Variants in MYO16 observed in about 807,000 individuals in gnomAD.
MYO16 encodes unconventional myosin-XVI.
MYO16 carries 94 observed loss-of-function variants against 205.3 expected under a neutral mutation model. The ratio of observed to expected loss-of-function variants is 0.46; its 90% CI spans 0.39 to 0.54. The LOEUF (loss-of-function observed/expected upper bound fraction) is 0.54. Ranked by LOEUF, MYO16 falls within the 20% of genes least tolerant of loss-of-function variation. The probability of loss-of-function intolerance (pLI) is 0.00; values close to 1 mark genes in which losing one functional copy is unlikely to be tolerated. For missense variants in MYO16, 2,315 were observed against 2,387.5 expected (o/e 0.97, Z 0.63); for synonymous variants, 988 against 954.0 (o/e 1.04, Z -0.66).
chr13:109,047,172 T>C (rs1357693776), intron 24 of MYO16, among the ~76,000 whole-genome samples, 181 bp downstream of exon 24: 3 of 152,196 alleles, frequency 2.0e-5, no homozygotes, highest in Non-Finnish European at 4.4e-5. Context: ...TTGGCTACAA[T>C]GTAATTTGGA....
the MYO16 span, among the ~76,000 whole-genome samples, chr13:108,589,683 T>G: frequency 1.3e-5 from 2 of 152,130 alleles, no homozygotes. Context: ...GTCTTCTCTC[T>G]CTCCCTCTCG....
intron 1 of MYO16, among the ~76,000 whole-genome samples, chr13:108,650,576 CA>C (rs1880956372): frequency 6.6e-6 from 1 of 152,146 alleles, no homozygotes; most frequent in African/African-American, 2.4e-5. Flanking sequence ...TTTGAGGGTT[CA>C]AAAATGTATA....
the MYO16 span, among the ~76,000 whole-genome samples, chr13:108,575,290 C>A: frequency 5.2e-4 from 79 of 152,190 alleles, no homozygotes; most frequent in Non-Finnish European, 1.0e-3. Context: ...AGATGACCAA[C>A]CCGCCAGCTA....
chr13:109,187,753 A>G (rs1001984532), intron 34 of MYO16, among the ~76,000 whole-genome samples: 6 of 152,188 alleles, frequency 3.9e-5, no homozygotes, highest in African/African-American at 1.4e-4. Flanking sequence ...ATGTACTAAA[A>G]TGTTTTTATG....
intron 1 of MYO16, among the ~76,000 whole-genome samples, chr13:108,644,535 A>G (rs1880666541): frequency 1.3e-5 from 2 of 152,216 alleles, no homozygotes; most frequent in Admixed American, 1.3e-4. Flanking sequence ...GTGTTTTTTA[A>G]TGGAAGACCC....
chr13:109,108,288 C>T (rs1429777461), intron 28 of MYO16, among the ~76,000 whole-genome samples: 1 of 152,200 alleles, frequency 6.6e-6, no homozygotes, highest in Non-Finnish European at 1.5e-5. Context: ...AATGAACCTC[C>T]TACTGATGAC....
At chr13:109,090,767 T>G (rs1467481780) in intron 27 of MYO16, among the ~76,000 whole-genome samples, 1 of 152,198 alleles carries the variant, frequency 6.6e-6, no homozygotes, top group Non-Finnish European at 1.5e-5. Flanking sequence ...CAACTTTGTC[T>G]CTGCTTTCAT....
chr13:108,533,639 A>C, the MYO16 span, among the ~76,000 whole-genome samples: 1 of 152,234 alleles, frequency 6.6e-6, no homozygotes, highest in Non-Finnish European at 1.5e-5. Context: ...GAATTCTCCC[A>C]GACTCTGTCA....
At chr13:108,903,167 AAG>A (rs1880789772) in intron 15 of MYO16, among the ~76,000 whole-genome samples, 2 of 152,206 alleles carry the variant, frequency 1.3e-5, no homozygotes, top group Admixed American at 6.5e-5. Context: ...TCAACTTAAT[AAG>A]GAAAGAAAAC....
chr13:108,632,053 G>A (rs547440425), intron 1 of MYO16, among the ~76,000 whole-genome samples: 347 of 147,772 alleles, frequency 2.3e-3, no homozygotes, highest in African/African-American at 7.8e-3. Flanking sequence ...ACTCCAGCCT[G>A]GGTGACAAGA....
chr13:108,972,370 A>AGCCATC (rs1388203737), intron 20 of MYO16, among the ~76,000 whole-genome samples: 2 of 42,258 alleles, frequency 4.7e-5, no homozygotes, highest in East Asian at 6.8e-4. Context: ...ATATATATAT[A>AGCCATC]TATATATATA....
At chr13:108,612,309 G>A (rs1164879191) in intron 1 of MYO16, among the ~76,000 whole-genome samples, 1 of 152,052 alleles carries the variant, frequency 6.6e-6, no homozygotes, top group Non-Finnish European at 1.5e-5. Context: ...AGAGAGACAA[G>A]ATGCTAATAC....
intron 33 of MYO16, among the ~76,000 whole-genome samples, chr13:109,179,175 G>A (rs1023778510): frequency 3.3e-5 from 5 of 152,120 alleles, no homozygotes; most frequent in African/African-American, 1.2e-4. Flanking sequence ...TCTGCTGTCT[G>A]CAGTCACCCT....
At chr13:108,824,711 C>T (rs1440827585) in intron 9 of MYO16, among the ~76,000 whole-genome samples, 1 of 151,862 alleles carries the variant, frequency 6.6e-6, no homozygotes, top group East Asian at 1.9e-4. Flanking sequence ...TTACTAAAAT[C>T]AGAAATGAAA....
At chr13:108,588,890 T>A in the MYO16 span, among the ~76,000 whole-genome samples, 3 of 152,108 alleles carry the variant, frequency 2.0e-5, no homozygotes, top group East Asian at 5.8e-4. Context: ...CCACCGAGAT[T>A]TGGGGGCTGA....
chr13:108,848,593 C>G (rs548817743), intron 10 of MYO16, among the ~76,000 whole-genome samples: 1 of 152,138 alleles, frequency 6.6e-6, no homozygotes, highest in African/African-American at 2.4e-5. Flanking sequence ...TTGAGGCCAG[C>G]AGTTCAAGAC....
chr13:109,040,954 A>G (rs553749036), intron 23 of MYO16, among the ~76,000 whole-genome samples: 1 of 152,278 alleles, frequency 6.6e-6, no homozygotes, highest in South Asian at 2.1e-4. Context: ...GTAAAATCCC[A>G]AGAAATCTAC....
chr13:108,925,701 T>C (rs1881968805), intron 16 of MYO16, among the ~76,000 whole-genome samples: 1 of 152,070 alleles, frequency 6.6e-6, no homozygotes, highest in South Asian at 2.1e-4. Context: ...CTCCTGAACA[T>C]GTAACAAACC....
At position 108,982,452 on chromosome 13, in the gene MYO16, A is replaced by G. The variant is rs571559786; in HGVS notation, c.2370-9924A>G. On this transcript the variant is annotated intron_variant, in intron 20 of 34. Transcript: ENST00000457511. ...TTGGGCTGGAAGATAATTAAGGGAGAAAAGGAACTGTACTAATAAAAGCAT... is the reference window on the plus strand; with the variant it reads ...TTGGGCTGGAAGATAATTAAGGGAGGAAAGGAACTGTACTAATAAAAGCAT... Among the ~76,000 whole-genome samples, 9 of 152,308 alleles carry G rather than the reference A, an allele frequency of 5.9e-5. No homozygotes were observed. The South Asian group carries it at 1.7e-3, about 28-fold the overall frequency.
Sources: allele counts gnomAD v4.1 joint callset (sites outside exome capture counted in the v4.1 genomes callset), GRCh38; gene constraint gnomAD v4.1.1; transcripts MANE v1.5; gene names NCBI Gene and HGNC (gene_info 2026-07-23, HGNC 2026-07-21).